The following RASA4B variants were observed in gnomAD, a reference collection of about 807,000 sequenced individuals.
RASA4B encodes ras GTPase-activating protein 4B.
Under a neutral mutation model 24.2 loss-of-function variants are expected in RASA4B, and 2 were observed. The ratio of observed to expected loss-of-function variants is 0.08; its 90% CI spans 0.03 to 0.26. RASA4B has a LOEUF of 0.26. Ranked by LOEUF, RASA4B falls within the 10% of genes least tolerant of loss-of-function variation. RASA4B has a pLI of 1.00. For missense variants in RASA4B, 8 were observed against 277.2 expected (o/e 0.03, Z 6.90); for synonymous variants, 2 against 125.6 (o/e 0.02, Z 6.58).
Position 102,511,543 on chromosome 7 carries a change from A to G in RASA4B, c.122+382T>C, listed in dbSNP as rs1344256055. On this transcript the variant is annotated intron_variant, in intron 2 of 20. Coordinates refer to ENST00000465829, the MANE Select transcript of RASA4B (RefSeq NM_001367767.2). ...AGGGTAGTTAGTCTCCCTGAGCCTC[A>G]GTTTCCTTGTCTGTAAATGGGGTCT... Among the ~76,000 whole-genome samples the G allele has an allele frequency of 5.5e-4, 59 of 107,504 alleles. 10 individuals carry two copies. Among genetic ancestry groups the G allele is most frequent in the African/African-American group, 1.9e-3 (58 of 30,132 alleles). 70.5% of individuals were successfully genotyped at this position (107,504 alleles called of 152,430 possible).
chr7:102,504,518 G>C (rs78543114), intron 5 of RASA4B, among the ~76,000 whole-genome samples: 573 of 22,004 alleles, frequency 0.026, 73 homozygotes, highest in Middle Eastern at 0.074. Context: ...TCTAATAAAA[G>C]CCCAACATTG....
intron 17 of RASA4B, among the ~76,000 whole-genome samples, chr7:102,489,901 C>A (rs1798865463): frequency 3.3e-5 from 4 of 121,236 alleles, no homozygotes. Flanking sequence ...TATCTTCCTG[C>A]CTCAGCCTCC....
chr7:102,492,363 C>G (rs2133313541), intron 16 of RASA4B, among the ~76,000 whole-genome samples: 1 of 41,880 alleles, frequency 2.4e-5, no homozygotes, highest in African/African-American at 4.6e-5. Flanking sequence ...GTCCTCAGCC[C>G]TTCCTGGGAG....
intron 5 of RASA4B, among the ~76,000 whole-genome samples, chr7:102,503,740 G>A (rs1177270786): frequency 9.1e-3 from 275 of 30,154 alleles, no homozygotes; most frequent in Non-Finnish European, 0.023. Context: ...CCTGATGGGC[G>A]GCCCTGCCCT....
chr7:102,492,645 C>T (rs1284196714), intron 16 of RASA4B, among the ~76,000 whole-genome samples: 1 of 143,974 alleles, frequency 6.9e-6, no homozygotes, highest in African/African-American at 2.5e-5. Context: ...CTGGTAAGGT[C>T]GGATCAACTT....
In RASA4B at chr7:102,503,803, C is replaced by CT. The variant is rs141974267; in HGVS notation, c.429-560dup. Among the ~76,000 whole-genome samples, 35 of 25,092 alleles carry CT rather than the reference C, an allele frequency of 1.4e-3. 1 individual carries two copies. Among genetic ancestry groups the CT allele is most frequent in the African/African-American group, 2.3e-3 (27 of 11,876 alleles). The allele number at this position is 25,092 out of a possible 152,430, so 16.5% of individuals were successfully genotyped here. ...CCTAGTCTAGTCACGGTACCTCCAG[C>CT]TTTTTTTTTTTTTTTTGAGACGGAG... On this transcript the variant is annotated intron_variant, in intron 5 of 20. Coordinates refer to ENST00000465829, the MANE Select transcript of RASA4B (RefSeq NM_001367767.2).
chr7:102,495,881 A>C (rs1422390463), intron 11 of RASA4B, among the ~76,000 whole-genome samples: 1 of 145,184 alleles, frequency 6.9e-6, no homozygotes, highest in African/African-American at 2.5e-5. Flanking sequence ...TAATTTTTGT[A>C]TTTTTAGTAG....
chr7:102,490,702 G>C (rs1285660587), intron 17 of RASA4B, among the ~76,000 whole-genome samples: 2 of 152,066 alleles, frequency 1.3e-5, no homozygotes, highest in African/African-American at 2.4e-5. Flanking sequence ...TTCTCATCCA[G>C]TCCACTCAGG....
intron 4 of RASA4B, among the ~76,000 whole-genome samples, chr7:102,507,504 C>A (rs1381263944): frequency 1.7e-5 from 1 of 60,118 alleles, no homozygotes; most frequent in Non-Finnish European, 3.2e-5. Context: ...GAGCAAGACC[C>A]CATCTCAAAA....
At position 102,481,844 on chromosome 7, in the gene RASA4B, A is replaced by G. The variant is rs1798614763; in HGVS notation, c.*1748T>C. ...CCTTCCTGGTAGCTTAAAAAAATAG[A>G]GATAACAGGATAAAGGTGAGGAATG... On this transcript the variant is annotated 3_prime_UTR_variant, in exon 21 of 21. Coordinates refer to ENST00000465829, the MANE Select transcript of RASA4B (RefSeq NM_001367767.2). Among the ~76,000 whole-genome samples the G allele has an allele frequency of 6.8e-6, 1 of 146,290 alleles. No homozygotes were observed. The highest frequency in any genetic ancestry group is 1.5e-5 in the Non-Finnish European group (1 of 66,412).
At chr7:102,509,116 A>ATTT (rs1799631440) in intron 4 of RASA4B, among the ~76,000 whole-genome samples, 389 of 68,988 alleles carry the variant, frequency 5.6e-3, no homozygotes, top group African/African-American at 0.017. Context: ...CTTTTTTTTA[A>ATTT]AAAAAAACTA....
chr7:102,506,223 A>C (rs1219494914), intron 5 of RASA4B, among the ~76,000 whole-genome samples: 1 of 152,092 alleles, frequency 6.6e-6, no homozygotes, highest in Non-Finnish European at 1.5e-5. Context: ...TCAAGTCCAG[A>C]AAACCTCCCC....
rs1188619913 is a variant in RASA4B, at chr7:102,480,350, G to A, written c.*3242C>T. ...CAGGGGGTTGGCAGAAGCCAGCAAG[G>A]CTTGGGGTTTCCCTGTTTGGAGCTC... On this transcript the variant is annotated 3_prime_UTR_variant, in exon 21 of 21. Transcript: ENST00000465829. Among the ~76,000 whole-genome samples the A allele has an allele frequency of 6.6e-6, 1 of 151,686 alleles. No homozygotes were observed.
intron 19 of RASA4B, among the ~76,000 whole-genome samples, chr7:102,484,633 T>C (rs1798645155): frequency 7.7e-6 from 1 of 129,158 alleles, no homozygotes; most frequent in Non-Finnish European, 1.7e-5. Flanking sequence ...ACCAGCCACA[T>C]CTCCAGAGAC....
intron 8 of RASA4B, among the ~76,000 whole-genome samples, chr7:102,500,498 A>T (rs1185718743): frequency 7.0e-6 from 1 of 143,466 alleles, no homozygotes; most frequent in Non-Finnish European, 1.6e-5. Flanking sequence ...AAATAAATAA[A>T]TAATAAATAA....
chr7:102,511,652 C>T (rs1347392171), intron 2 of RASA4B, among the ~76,000 whole-genome samples: 1 of 37,668 alleles, frequency 2.7e-5, no homozygotes, highest in Non-Finnish European at 5.8e-5. Flanking sequence ...TGTTACAAAT[C>T]GTCAGCATCT....
chr7:102,499,184 C>CAAA (rs1185378975), intron 8 of RASA4B, among the ~76,000 whole-genome samples: 1 of 89,386 alleles, frequency 1.1e-5, no homozygotes, highest in African/African-American at 3.3e-5. Context: ...AGATTCTGCT[C>CAAA]AAAAAAAAAA....
In RASA4B at chr7:102,481,700, T is replaced by G. The variant is rs1798611798; in HGVS notation, c.*1892A>C. ...AAAAAAAAAAATTATAAAGTTCCCC[T>G]TCATCTGAAAATTGAATGTGATTTT... On this transcript the variant is annotated 3_prime_UTR_variant, in exon 21 of 21. Transcript: ENST00000465829. Among the ~76,000 whole-genome samples, 1 of 126,348 alleles carries G rather than the reference T, an allele frequency of 7.9e-6. No individual in the cohort carries two copies. The highest frequency in any genetic ancestry group is 2.7e-5 in the African/African-American group (1 of 36,774). The allele number at this position is 126,348 out of a possible 152,430, so 82.9% of individuals were successfully genotyped here.
chr7:102,489,488 C>CTCAT (rs1798822860), intron 17 of RASA4B, among the ~76,000 whole-genome samples: 1 of 124,032 alleles, frequency 8.1e-6, no homozygotes. Context: ...AATTAATTTA[C>CTCAT]TAATTAATTT....
Sources: allele counts gnomAD v4.1 joint callset (sites outside exome capture counted in the v4.1 genomes callset), GRCh38; gene constraint gnomAD v4.1.1; transcripts MANE v1.5; gene names NCBI Gene and HGNC (gene_info 2026-07-23, HGNC 2026-07-21).